Variants in CDH13 observed in about 807,000 individuals in gnomAD.
The protein encoded by CDH13 is cadherin 13.
CDH13 carries 24 observed loss-of-function variants against 63.8 expected under a neutral mutation model. The ratio of observed to expected loss-of-function variants is 0.38; its 90% CI spans 0.27 to 0.53. The LOEUF (loss-of-function observed/expected upper bound fraction) is 0.53, where lower values mean the gene tolerates loss of function less well. CDH13 is among the 20% of genes least tolerant of loss of function. The probability of loss-of-function intolerance (pLI) is 0.85; values close to 1 mark genes in which losing one functional copy is unlikely to be tolerated. For synonymous variants in CDH13, 503 were observed against 355.3 expected (o/e 1.42, Z -4.67); for missense variants, 1,049 against 903.1 (o/e 1.16, Z -2.07).
intron 2 of CDH13, among the ~76,000 whole-genome samples, chr16:83,006,582 C>T (rs1234982066): frequency 6.6e-6 from 1 of 152,108 alleles, no homozygotes; most frequent in African/African-American, 2.4e-5. Flanking sequence ...GTCCACAGCC[C>T]ATATCCCAAT....
intron 6 of CDH13, among the ~76,000 whole-genome samples, chr16:83,485,897 C>A (rs531926897): frequency 1.4e-4 from 22 of 152,190 alleles, no homozygotes; most frequent in African/African-American, 5.3e-4. Flanking sequence ...AATCCCAGCA[C>A]CCTTGGAGGC....
intron 6 of CDH13, among the ~76,000 whole-genome samples, chr16:83,463,764 C>G (rs912642380): frequency 6.6e-6 from 1 of 152,192 alleles, no homozygotes; most frequent in Non-Finnish European, 1.5e-5. Flanking sequence ...ATGATCACAT[C>G]TCTGCATTCC....
At chr16:83,364,768 G>C (rs536317473) in intron 6 of CDH13, among the ~76,000 whole-genome samples, 1 of 152,290 alleles carries the variant, frequency 6.6e-6, no homozygotes, top group Non-Finnish European at 1.5e-5. Context: ...GGAGGAGGCA[G>C]ACAGAAGGAA....
Position 83,675,229 on chromosome 16 carries a change from G to A in CDH13, c.1285-2979G>A, listed in dbSNP as rs533512392. On this transcript the variant is annotated intron_variant, in intron 9 of 13. Coordinates refer to ENST00000567109, the MANE Select transcript of CDH13 (RefSeq NM_001257.5). ...TGGAGGGCTTCTTAATCCAATTACAGCACTCCGAGGGGATTAGGAACAGAG... is the reference window on the plus strand; with the variant it reads ...TGGAGGGCTTCTTAATCCAATTACAACACTCCGAGGGGATTAGGAACAGAG... Among the ~76,000 whole-genome samples, 19 of 152,308 alleles carry A rather than the reference G, an allele frequency of 1.2e-4. No homozygotes were observed. The South Asian group carries it at 1.5e-3, about 12-fold the overall frequency.
chr16:83,069,296 G>T (rs2032259683), intron 3 of CDH13, among the ~76,000 whole-genome samples: 1 of 152,120 alleles, frequency 6.6e-6, no homozygotes, highest in Non-Finnish European at 1.5e-5. Flanking sequence ...TAGTGGAACT[G>T]TGGCACTCTT....
intron 1 of CDH13, among the ~76,000 whole-genome samples, chr16:82,712,232 C>G (rs763932259): frequency 1.7e-4 from 26 of 151,986 alleles, no homozygotes; most frequent in Admixed American, 7.9e-4. Context: ...AATGGTCAAT[C>G]TTCATTAATT....
At chr16:83,509,725 A>C (rs988735152) in intron 7 of CDH13, among the ~76,000 whole-genome samples, 1 of 152,238 alleles carries the variant, frequency 6.6e-6, no homozygotes, top group African/African-American at 2.4e-5. Flanking sequence ...TGGTGGTAGT[A>C]AAAAATACTA....
chr16:83,381,417 C>T (rs76467827), intron 6 of CDH13, among the ~76,000 whole-genome samples: 105 of 152,232 alleles, frequency 6.9e-4, no homozygotes, highest in African/African-American at 2.4e-3. Flanking sequence ...CAGTGACTTT[C>T]AGTGTTGTGC....
rs572735687 is a variant in CDH13 at position 83,225,469 on chromosome 16, T to C, written c.636+7972T>C. Among the ~76,000 whole-genome samples the C allele has an allele frequency of 2.0e-5, 3 of 152,304 alleles. No homozygotes were observed. In the South Asian group the frequency reaches 6.2e-4, roughly 32 times the overall value. ...ATCCTGCCTAGACTTTGGATGACTG[T>C]TAAATGCCATGTTACTGCGTGTTTG... On this transcript the variant is annotated intron_variant, in intron 5 of 13. Transcript: ENST00000567109.
At chr16:82,996,016 C>G (rs1157529384) in intron 2 of CDH13, among the ~76,000 whole-genome samples, 1 of 152,126 alleles carries the variant, frequency 6.6e-6, no homozygotes, top group Admixed American at 6.6e-5. Flanking sequence ...TGGAGAGTTG[C>G]CATCTTCCTG....
rs1358356575 is a variant in CDH13 at position 82,720,628 on chromosome 16, G to A, written c.45+93491G>A. On this transcript the variant is annotated intron_variant, in intron 1 of 13. Transcript: ENST00000567109. ...CCGGGGAAAACCCACACAAACATGG[G>A]GAGAATGTACAAACTCCACACACAG... 2.0e-5 allele frequency among the ~76,000 whole-genome samples: 3 copies of A among 151,922 alleles called. No individual in the cohort carries two copies. The East Asian group carries it at 5.8e-4, about 29-fold the overall frequency.
intron 8 of CDH13, among the ~76,000 whole-genome samples, chr16:83,624,992 G>C (rs149750100): frequency 6.6e-6 from 1 of 152,150 alleles, no homozygotes; most frequent in African/African-American, 2.4e-5. Flanking sequence ...GCATGTGTGC[G>C]GTGATATCGA....
chr16:82,869,564 C>T (rs775933763), intron 2 of CDH13, among the ~76,000 whole-genome samples: 13 of 152,124 alleles, frequency 8.5e-5, no homozygotes, highest in Non-Finnish European at 1.3e-4. Context: ...AGAGTTATCA[C>T]GTTATCTGAC....
intron 7 of CDH13, among the ~76,000 whole-genome samples, chr16:83,511,125 CAT>C (rs71918266): frequency 0.073 from 11,135 of 152,120 alleles, 442 homozygotes; most frequent in African/African-American, 0.089. Flanking sequence ...CACACATGCA[CAT>C]GTGCACACAT....
At chr16:83,025,204 A>G (rs1224462083) in intron 2 of CDH13, among the ~76,000 whole-genome samples, 3 of 152,374 alleles carry the variant, frequency 2.0e-5, no homozygotes, top group Admixed American at 6.5e-5. Context: ...TACACATGCC[A>G]TAAGGATTAT....
At chr16:83,420,847 T>C (rs905686502) in intron 6 of CDH13, among the ~76,000 whole-genome samples, 1 of 151,878 alleles carries the variant, frequency 6.6e-6, no homozygotes, top group African/African-American at 2.4e-5. Flanking sequence ...AGTCCCAGAG[T>C]CCAAAGGCTG....
chr16:83,432,811 G>A (rs1375349296), intron 6 of CDH13, among the ~76,000 whole-genome samples: 1 of 152,166 alleles, frequency 6.6e-6, no homozygotes, highest in Non-Finnish European at 1.5e-5. Context: ...GTGCAAACAG[G>A]TTGCTAGGAA....
chr16:83,051,067 C>G (rs534677107), intron 3 of CDH13, among the ~76,000 whole-genome samples: 1 of 152,278 alleles, frequency 6.6e-6, no homozygotes, highest in East Asian at 1.9e-4. Context: ...TATCTTTCTC[C>G]CTTTTCCTGT....
intron 2 of CDH13, among the ~76,000 whole-genome samples, chr16:82,996,732 G>A (rs1022345270): frequency 6.6e-6 from 1 of 152,226 alleles, no homozygotes; most frequent in South Asian, 2.1e-4. Flanking sequence ...GATGATGGTA[G>A]TGATGATGAT....
Sources: allele counts gnomAD v4.1 joint callset (sites outside exome capture counted in the v4.1 genomes callset), GRCh38; gene constraint gnomAD v4.1.1; transcripts MANE v1.5; gene names NCBI Gene and HGNC (gene_info 2026-07-23, HGNC 2026-07-21).